The following RNLS variants were observed in gnomAD, a reference collection of about 807,000 sequenced individuals.
RNLS encodes the protein renalase.
A neutral mutation model predicts 39.8 loss-of-function variants in RNLS; 39 were observed. That is an observed-to-expected ratio of 0.98 (90% confidence interval 0.76 to 1.28). The LOEUF (loss-of-function observed/expected upper bound fraction) is 1.28. RNLS is among the 50% of genes most tolerant of loss of function. RNLS has a pLI of 0.00. For synonymous variants in RNLS, 147 were observed against 150.7 expected, an observed-to-expected ratio of 0.98 and a Z score of 0.18; for missense variants, 410 against 413.3, an observed-to-expected ratio of 0.99 and a Z score of 0.07.
the RNLS span, among the ~76,000 whole-genome samples, chr10:88,200,985 T>G: frequency 1.1e-5 from 1 of 89,104 alleles, no homozygotes; most frequent in East Asian, 2.7e-4. Flanking sequence ...TCCATTAAAA[T>G]GAATCCTTTT....
the RNLS span, among the ~76,000 whole-genome samples, chr10:88,172,839 G>GTTT: frequency 1.3e-4 from 4 of 31,498 alleles, no homozygotes; most frequent in Admixed American, 4.9e-4. Context: ...TGCATTTTGA[G>GTTT]TTGTTTTTTT....
chr10:88,361,397 TATC>T (rs1407931579), intron 5 of RNLS, among the ~76,000 whole-genome samples: 1 of 152,204 alleles, frequency 6.6e-6, no homozygotes, highest in Non-Finnish European at 1.5e-5. Context: ...CCCTGACAGA[TATC>T]ATATCTTATG....
chr10:88,582,450 T>C (rs1309726908), intron 1 of RNLS, 143 bp from the exon 2 acceptor site: 19 of 627,196 alleles, frequency 3.0e-5, no homozygotes, highest in Non-Finnish European at 5.2e-5. Flanking sequence ...GATCAGATTG[T>C]GAGATTTTAG....
chr10:88,320,453 C>T (rs1329684535), intron 5 of RNLS, among the ~76,000 whole-genome samples: 1 of 148,578 alleles, frequency 6.7e-6, no homozygotes, highest in Non-Finnish European at 1.5e-5. Flanking sequence ...TCAATATTAA[C>T]CTTGAACATA....
chr10:88,401,685 A>G (rs995808756), intron 4 of RNLS, among the ~76,000 whole-genome samples: 1 of 152,002 alleles, frequency 6.6e-6, no homozygotes, highest in Non-Finnish European at 1.5e-5. Flanking sequence ...GTGGGGCAAA[A>G]TTCTGGGCAG....
At chr10:88,455,468 G>C (rs1564813213) in intron 4 of RNLS, among the ~76,000 whole-genome samples, 1 of 152,042 alleles carries the variant, frequency 6.6e-6, no homozygotes, top group African/African-American at 2.4e-5. Context: ...GTGCAGTGGT[G>C]CGATTTCGGC....
At chr10:88,564,760 G>C (rs537188848) in intron 4 of RNLS, among the ~76,000 whole-genome samples, 2 of 152,256 alleles carry the variant, frequency 1.3e-5, no homozygotes, top group East Asian at 3.9e-4. Flanking sequence ...TAAATCATAA[G>C]AGGGTCACAA....
the RNLS span, among the ~76,000 whole-genome samples, chr10:88,268,112 C>A: frequency 6.6e-6 from 1 of 152,154 alleles, no homozygotes; most frequent in Non-Finnish European, 1.5e-5. Context: ...TAAATAATCA[C>A]TAATTGGATC....
intron 4 of RNLS, 46 bp from the exon 5 acceptor site, chr10:88,362,771 T>C: frequency 6.4e-7 from 1 of 1,571,638 alleles, no homozygotes; most frequent in Non-Finnish European, 8.7e-7. Flanking sequence ...AATACCATCT[T>C]TCCTTTTAGC....
At chr10:88,175,339 GTTGT>G in the RNLS span, among the ~76,000 whole-genome samples, 2 of 152,020 alleles carry the variant, frequency 1.3e-5, no homozygotes, top group African/African-American at 4.8e-5. Context: ...GCACTGTTAG[GTTGT>G]TTATTTGAAA....
At chr10:88,282,753 A>G (rs949955615), downstream of RNLS, among the ~76,000 whole-genome samples, 1 of 152,132 alleles carries the variant, frequency 6.6e-6, no homozygotes, top group Non-Finnish European at 1.5e-5. Context: ...GAAATGCCAA[A>G]GGTGAAAAAT....
the RNLS span, among the ~76,000 whole-genome samples, chr10:88,213,946 A>G: frequency 9.8e-4 from 149 of 152,218 alleles, 2 homozygotes; most frequent in Admixed American, 2.7e-3. Context: ...ACTGGCTTAA[A>G]CAAAAAGGGA....
chr10:88,449,691 A>C (rs1842256185), intron 4 of RNLS, among the ~76,000 whole-genome samples: 1 of 152,204 alleles, frequency 6.6e-6, no homozygotes, highest in African/African-American at 2.4e-5. Flanking sequence ...AGGAATCTTA[A>C]ATTTTTAATA....
At chr10:88,545,258 C>A (rs1394050549) in intron 4 of RNLS, among the ~76,000 whole-genome samples, 1 of 151,682 alleles carries the variant, frequency 6.6e-6, no homozygotes, top group Admixed American at 6.6e-5. Flanking sequence ...AGAATACAGA[C>A]CAAAAATATA....
chr10:88,397,602 A>AC (rs1852638860), intron 4 of RNLS, among the ~76,000 whole-genome samples: 1 of 151,788 alleles, frequency 6.6e-6, no homozygotes, highest in Non-Finnish European at 1.5e-5. Flanking sequence ...AAAGCAGAAG[A>AC]AAAAAAATAA....
At chr10:88,252,787 T>C in the RNLS span, among the ~76,000 whole-genome samples, 1 of 152,328 alleles carries the variant, frequency 6.6e-6, no homozygotes, top group South Asian at 2.1e-4. Flanking sequence ...GGGCACATAG[T>C]AGGTGCCCAA....
chr10:88,508,812 GA>G lies in RNLS; in HGVS notation c.526+64090del, dbSNP rs199971183. ...GAGGAAAACTACGCAAAAATTTAAG[GA>G]AAAAAAAAGAAACATTAGCACCAAT... is the stretch of plus-strand genomic sequence containing the variant. On this transcript the variant is annotated intron_variant, in intron 4 of 6. Transcript: ENST00000331772. Among the ~76,000 whole-genome samples, 1,278 of 149,932 alleles carry G rather than the reference GA, an allele frequency of 8.5e-3. 48 individuals carry two copies. The highest frequency in any genetic ancestry group is 0.068 in the Admixed American group (1,022 of 15,026).
chr10:88,279,133 C>T (rs966251948), downstream of RNLS, among the ~76,000 whole-genome samples: 2 of 152,126 alleles, frequency 1.3e-5, no homozygotes, highest in African/African-American at 4.8e-5. Context: ...CCACAAACCA[C>T]AGACAGCATT....
the RNLS span, among the ~76,000 whole-genome samples, chr10:88,185,131 T>C: frequency 6.6e-6 from 1 of 152,138 alleles, no homozygotes; most frequent in African/African-American, 2.4e-5. Context: ...ATCTACTAGA[T>C]TCAGACTAGG....
Sources: gnomAD v4.1 joint callset for allele counts (sites outside exome capture counted in the v4.1 genomes callset) on GRCh38, gnomAD v4.1.1 for gene constraint, MANE v1.5 for transcripts, NCBI Gene and HGNC (gene_info 2026-07-23, HGNC 2026-07-21) for gene names.